CHST8: variants seen among roughly 807,000 people sequenced by gnomAD.
The protein encoded by CHST8 is GALNAC-4-ST1.
Under a neutral mutation model 15.0 loss-of-function variants are expected in CHST8, and 10 were observed. The observed-to-expected ratio is 0.67, with a 90% CI of 0.41 to 1.13. The LOEUF (loss-of-function observed/expected upper bound fraction) is 1.13. Ranked by LOEUF, CHST8 falls within the 50% of genes most tolerant of loss-of-function variation. The pLI is 0.00. For synonymous variants in CHST8, 259 were observed against 256.6 expected, an observed-to-expected ratio of 1.01 and a Z score of -0.09; for missense variants, 634 against 608.2, an observed-to-expected ratio of 1.04 and a Z score of -0.45.
intron 1 of CHST8, among the ~76,000 whole-genome samples, chr19:33,665,454 CTT>C (rs1972644161): frequency 6.6e-6 from 1 of 152,222 alleles, no homozygotes; most frequent in East Asian, 1.9e-4. Context: ...TCCAATAAAA[CTT>C]TATTTCCAGG....
intron 3 of CHST8, among the ~76,000 whole-genome samples, chr19:33,726,599 G>A (rs1973905570): frequency 6.6e-6 from 1 of 152,090 alleles, no homozygotes; most frequent in Non-Finnish European, 1.5e-5. Flanking sequence ...GAAGGGTGTG[G>A]GCACTAGAAC....
At chr19:33,688,841 C>T (rs1188442964) in intron 2 of CHST8, among the ~76,000 whole-genome samples, 2 of 152,122 alleles carry the variant, frequency 1.3e-5, no homozygotes, top group African/African-American at 4.8e-5. Context: ...TATTTGGAGG[C>T]CTGGACAGTG....
intron 1 of CHST8, among the ~76,000 whole-genome samples, chr19:33,653,876 T>G (rs565068400): frequency 6.6e-6 from 1 of 152,314 alleles, no homozygotes; most frequent in African/African-American, 2.4e-5. Context: ...CCCTAGAGAC[T>G]CTGTACTGAC....
intron 3 of CHST8, among the ~76,000 whole-genome samples, chr19:33,757,684 G>A (rs562621575): frequency 2.6e-5 from 4 of 151,940 alleles, no homozygotes. Context: ...GCCAGCCACT[G>A]ACAAGCCCAA....
chr19:33,736,187 CA>C (rs983707478), intron 3 of CHST8, among the ~76,000 whole-genome samples: 1 of 152,154 alleles, frequency 6.6e-6, no homozygotes, highest in Admixed American at 6.5e-5. Context: ...GAAAGGAGGC[CA>C]GGGGATAGAC....
chr19:33,672,483 G>A (rs1972750889), intron 2 of CHST8, among the ~76,000 whole-genome samples: 1 of 152,188 alleles, frequency 6.6e-6, no homozygotes, highest in Non-Finnish European at 1.5e-5. Flanking sequence ...ACAGGTGTGA[G>A]CCCCTGTGCC....
intron 1 of CHST8, among the ~76,000 whole-genome samples, chr19:33,632,680 T>C (rs1972137252): frequency 6.6e-6 from 1 of 152,076 alleles, no homozygotes. Flanking sequence ...CCATGACCTC[T>C]TCCAGTCATT....
chr19:33,712,742 G>A (rs1362726729), intron 3 of CHST8, among the ~76,000 whole-genome samples: 1 of 152,158 alleles, frequency 6.6e-6, no homozygotes, highest in Non-Finnish European at 1.5e-5. Context: ...ATCCTGAGTA[G>A]GGGCTGACCC....
chr19:33,724,935 T>A (rs1973865676), intron 3 of CHST8, among the ~76,000 whole-genome samples: 1 of 152,056 alleles, frequency 6.6e-6, no homozygotes, highest in Admixed American at 6.5e-5. Context: ...CACCAGCAGA[T>A]CCCTGGAGGA....
In CHST8 at chr19:33,773,126, T is replaced by A; in HGVS notation, c.*63T>A. 1 of 1,491,684 alleles carries A rather than the reference T, an allele frequency of 6.7e-7. No individual in the cohort carries two copies. The highest frequency in any genetic ancestry group is 8.9e-7 in the Non-Finnish European group (1 of 1,119,390). 92.4% of individuals were successfully genotyped at this position (1,491,684 alleles called of 1,614,324 possible). A position where few individuals can be genotyped will look rare whatever the true frequency, so the allele number is the denominator to read the frequency against. ...CACTCACCTGTGCTCCCGGGCATCC[T>A]CCTGTCCCTGGCTCCTCATCCTGGG... On this transcript the variant is annotated 3_prime_UTR_variant, in exon 5 of 5. Transcript: ENST00000650847.
At chr19:33,725,893 C>T (rs1973887914) in intron 3 of CHST8, among the ~76,000 whole-genome samples, 1 of 152,234 alleles carries the variant, frequency 6.6e-6, no homozygotes, top group East Asian at 1.9e-4. Context: ...GTATTTTGGG[C>T]TGAGCTGGAC....
At chr19:33,762,864 C>CT (rs967177736) in intron 3 of CHST8, among the ~76,000 whole-genome samples, 4,836 of 116,366 alleles carry the variant, frequency 0.042, 103 homozygotes, top group Non-Finnish European at 0.057. Flanking sequence ...AGTTTTCTCT[C>CT]TTTTTTTTTT....
At chr19:33,663,110 C>T (rs1436000928) in intron 1 of CHST8, among the ~76,000 whole-genome samples, 1 of 152,116 alleles carries the variant, frequency 6.6e-6, no homozygotes, top group African/African-American at 2.4e-5. Flanking sequence ...GGACAGGATG[C>T]GTGGCCGGAG....
chr19:33,705,611 T>C lies in CHST8; in HGVS notation c.130+16220T>C, dbSNP rs112434496. 9.6e-3 allele frequency among the ~76,000 whole-genome samples: 1,463 copies of C among 152,166 alleles called. 21 individuals are homozygous for C. Among genetic ancestry groups the C allele is most frequent in the African/African-American group, 0.033 (1,378 of 41,492 alleles). ...TCCAGTATCTACCTGGAGATGCGGG[T>C]GTGGGTGCCCGTGGGTGTAAATGGA... On this transcript the variant is annotated intron_variant, in intron 3 of 4. Transcript: ENST00000650847.
chr19:33,752,260 C>T (rs896506776), intron 3 of CHST8, among the ~76,000 whole-genome samples: 4 of 152,204 alleles, frequency 2.6e-5, no homozygotes, highest in African/African-American at 9.6e-5. Flanking sequence ...GAGGAATTCA[C>T]TCCCACAGGG....
chr19:33,633,811 G>GTGTA (rs1362354080), intron 1 of CHST8, among the ~76,000 whole-genome samples: 11 of 140,826 alleles, frequency 7.8e-5, no homozygotes, highest in Non-Finnish European at 1.4e-4. Flanking sequence ...GTGTGTGTGT[G>GTGTA]TGTTTAAGAC....
At chr19:33,636,704 G>C (rs187727653) in intron 1 of CHST8, among the ~76,000 whole-genome samples, 2 of 152,034 alleles carry the variant, frequency 1.3e-5, no homozygotes. Flanking sequence ...AGTTCGAGAC[G>C]AGCCCGGCTA....
intron 3 of CHST8, among the ~76,000 whole-genome samples, chr19:33,741,834 T>C (rs1974199695): frequency 6.6e-6 from 1 of 152,056 alleles, no homozygotes; most frequent in African/African-American, 2.4e-5. Flanking sequence ...ATGGTGACGG[T>C]CCTTATCCCA....
At chr19:33,757,346 C>G (rs1599628651) in intron 3 of CHST8, among the ~76,000 whole-genome samples, 1 of 147,390 alleles carries the variant, frequency 6.8e-6, no homozygotes, top group Non-Finnish European at 1.5e-5. Context: ...TGCCACTGCA[C>G]TCCAGCCTGG....
Sources: allele counts gnomAD v4.1 joint callset (sites outside exome capture counted in the v4.1 genomes callset), GRCh38; gene constraint gnomAD v4.1.1; transcripts MANE v1.5; gene names NCBI Gene and HGNC (gene_info 2026-07-23, HGNC 2026-07-21).